LCOR: variants seen among roughly 807,000 people sequenced by gnomAD.
LCOR encodes ligand-dependent corepressor.
Under a neutral mutation model 64.4 loss-of-function variants are expected in LCOR, and 14 were observed. The observed-to-expected ratio is 0.22, with a 90% confidence interval of 0.14 to 0.34. The LOEUF is 0.34. Among genes scored for constraint, LCOR ranks in the 10% least tolerant of loss-of-function variants. The pLI, the probability that LCOR is intolerant of heterozygous loss-of-function variation, is 1.00. For missense variants in LCOR, 1,686 were observed against 1,765.3 expected, an observed-to-expected ratio of 0.96 and a Z score of 0.80; for synonymous variants, 643 against 642.5, an observed-to-expected ratio of 1.00 and a Z score of -0.01.
chr10:96,945,242 A>C (rs1425559899), intron 5 of LCOR, among the ~76,000 whole-genome samples: 1 of 151,964 alleles, frequency 6.6e-6, no homozygotes, highest in Non-Finnish European at 1.5e-5. Context: ...TCCCTTTGAC[A>C]TTGGTTAAAA....
intron 2 of LCOR, among the ~76,000 whole-genome samples, chr10:96,905,546 T>C (rs1428252954): frequency 1.3e-5 from 2 of 152,120 alleles, no homozygotes; most frequent in African/African-American, 2.4e-5. Context: ...AGGGCCAAAA[T>C]AGGCAGTATC....
At chr10:96,924,257 C>T (rs1847129019) in intron 4 of LCOR, among the ~76,000 whole-genome samples, 2 of 152,154 alleles carry the variant, frequency 1.3e-5, no homozygotes, top group Admixed American at 1.3e-4. Context: ...GGCTGGAGTG[C>T]AGTGACGTGA....
intron 7 of LCOR, among the ~76,000 whole-genome samples, chr10:96,972,212 A>C (rs1848005279): frequency 6.6e-6 from 1 of 152,144 alleles, no homozygotes; most frequent in Non-Finnish European, 1.5e-5. Context: ...AAATATTAAA[A>C]ATATTTTAAA....
At chr10:96,847,578 A>G (rs1217199683) in intron 2 of LCOR, among the ~76,000 whole-genome samples, 1 of 152,102 alleles carries the variant, frequency 6.6e-6, no homozygotes, top group Non-Finnish European at 1.5e-5. Context: ...AGTAGCTGCG[A>G]TTACAAGCGT....
intron 7 of LCOR, chr10:96,957,530 A>G: frequency 9.1e-6 from 9 of 985,428 alleles, no homozygotes; most frequent in Non-Finnish European, 1.1e-5. Flanking sequence ...AAAGGTGGTC[A>G]GGCCCTTCTA....
At chr10:96,856,849 A>G (rs1195216014) in intron 2 of LCOR, among the ~76,000 whole-genome samples, 3 of 151,522 alleles carry the variant, frequency 2.0e-5, no homozygotes, top group Non-Finnish European at 4.4e-5. Context: ...CGGGTAGACA[A>G]TGCAAAAAAA....
intron 7 of LCOR, among the ~76,000 whole-genome samples, chr10:96,975,699 A>G (rs1303338602): frequency 2.0e-5 from 3 of 151,930 alleles, no homozygotes; most frequent in Admixed American, 6.6e-5. Context: ...AGTCAATACA[A>G]GATAAAAATT....
intron 2 of LCOR, among the ~76,000 whole-genome samples, chr10:96,870,373 T>G (rs113315047): frequency 9.2e-5 from 14 of 152,216 alleles, no homozygotes; most frequent in African/African-American, 3.4e-4. Context: ...AAACATTAAA[T>G]TACAACCATA....
intron 2 of LCOR, among the ~76,000 whole-genome samples, chr10:96,841,990 C>A (rs539410322): frequency 9.9e-5 from 15 of 151,946 alleles, no homozygotes; most frequent in Middle Eastern, 3.4e-3. Flanking sequence ...AAATCTGAAT[C>A]ATTTTATCAT....
intron 4 of LCOR, among the ~76,000 whole-genome samples, chr10:96,909,833 A>C (rs185647700): frequency 1.1e-3 from 165 of 152,286 alleles, no homozygotes; most frequent in Admixed American, 0.011. Context: ...CATTGTTTTG[A>C]GTTAAACTTC....
intron 4 of LCOR, among the ~76,000 whole-genome samples, chr10:96,912,620 C>CTTCT (rs1198650932): frequency 2.0e-5 from 3 of 147,952 alleles, no homozygotes; most frequent in Non-Finnish European, 3.0e-5. Context: ...TCCTTCCTTC[C>CTTCT]TTCCTTCCTT....
chr10:96,983,244 C>T lies in LCOR; in HGVS notation c.2784C>T (p.Phe928=). Residue 928 remains phenylalanine (F), a synonymous_variant, in exon 8 of 8, where the codon TTC becomes TTT. Coordinates refer to ENST00000421806, the MANE Select transcript of LCOR (RefSeq NM_001346516.2). The surrounding 1 kb of genome is among the most constrained non-coding windows in gnomAD (Gnocchi z 4.5). ...KEVKELRGEI[F]PSRDPITTAG... is the part of the protein sequence containing the mutation. ...TCAAGGAGTTACGAGGAGAGATTTTCCCCAGCAGGGACCCCATAACCACAG... is the reference window on the plus strand; with the variant it reads ...TCAAGGAGTTACGAGGAGAGATTTTTCCCAGCAGGGACCCCATAACCACAG... The T allele has an allele frequency of 6.2e-7, 1 of 1,614,184 alleles. No homozygotes were observed. Among genetic ancestry groups the T allele is most frequent in the South Asian group, 1.1e-5 (1 of 91,076 alleles).
intron 2 of LCOR, among the ~76,000 whole-genome samples, chr10:96,838,697 G>T (rs972072306): frequency 6.6e-6 from 1 of 152,180 alleles, no homozygotes; most frequent in South Asian, 2.1e-4. Flanking sequence ...GCATTGTGTG[G>T]ACATACCACA....
At chr10:96,913,081 G>A (rs541424838) in intron 4 of LCOR, among the ~76,000 whole-genome samples, 2 of 150,080 alleles carry the variant, frequency 1.3e-5, no homozygotes, top group South Asian at 4.2e-4. Flanking sequence ...TCACTTTTTG[G>A]CATTAAAAGA....
chr10:96,902,073 T>G (rs940051021), intron 2 of LCOR, among the ~76,000 whole-genome samples: 2 of 152,100 alleles, frequency 1.3e-5, no homozygotes, highest in African/African-American at 4.8e-5. Flanking sequence ...ATTTTAGTAG[T>G]TTTTCTCCTC....
At chr10:96,901,336 GT>G (rs992227082) in intron 2 of LCOR, among the ~76,000 whole-genome samples, 11 of 152,070 alleles carry the variant, frequency 7.2e-5, no homozygotes, top group African/African-American at 2.4e-4. Flanking sequence ...CTCCATACAT[GT>G]TTAGCATTTA....
In LCOR at chr10:96,907,636, T is replaced by G. The variant is rs971384446; in HGVS notation, c.-263-32T>G. 12 of 823,654 alleles carry G rather than the reference T, an allele frequency of 1.5e-5. No homozygotes were observed. The South Asian group carries it at 2.8e-4, about 19-fold the overall frequency. 51.0% of individuals were successfully genotyped at this position (823,654 alleles called of 1,614,324 possible). ...AATTTATTTTCCTAAAAATTCTCTT[T>G]TATGACTATTAATTTGTTACTATTT... is the stretch of plus-strand genomic sequence containing the variant. On this transcript the variant is annotated intron_variant, in intron 3 of 7. Transcript: ENST00000421806.
chr10:96,969,164 T>C (rs17112245), intron 7 of LCOR, among the ~76,000 whole-genome samples: 10,568 of 152,226 alleles, frequency 0.069, 587 homozygotes, highest in East Asian at 0.27. Flanking sequence ...ATGAATTTAG[T>C]GTGAGGGATA....
intron 2 of LCOR, among the ~76,000 whole-genome samples, chr10:96,882,789 T>G (rs1434961025): frequency 6.6e-6 from 1 of 152,164 alleles, no homozygotes. Flanking sequence ...CTCCATAGTT[T>G]TGTCTTTTCC....
Sources: allele counts gnomAD v4.1 joint callset (sites outside exome capture counted in the v4.1 genomes callset), GRCh38; gene constraint gnomAD v4.1.1; non-coding constraint Gnocchi (gnomAD v3.1); transcripts MANE v1.5; gene names NCBI Gene and HGNC (gene_info 2026-07-23, HGNC 2026-07-21).